Variants in NRXN1 observed in about 807,000 individuals in gnomAD.
The protein encoded by NRXN1 is neurexin 1.
A neutral mutation model predicts 150.9 loss-of-function variants in NRXN1; 39 were observed. The ratio of observed to expected loss-of-function variants is 0.26; its 90% CI spans 0.20 to 0.34. The LOEUF is 0.34. NRXN1 is among the 10% of genes least tolerant of loss of function. The pLI, the probability that NRXN1 is intolerant of heterozygous loss-of-function variation, is 1.00. For missense variants in NRXN1, 1,815 were observed against 1,949.9 expected (o/e 0.93, Z 1.30); for synonymous variants, 924 against 757.0 (o/e 1.22, Z -3.62).
intron 22 of NRXN1, among the ~76,000 whole-genome samples, chr2:49,936,484 T>A (rs185598672): frequency 6.6e-6 from 1 of 152,186 alleles, no homozygotes; most frequent in Non-Finnish European, 1.5e-5. Flanking sequence ...GCATTGTGTA[T>A]GAATCCTCTT....
In NRXN1 at chr2:49,922,250, G is replaced by T. The variant is rs764149991; in HGVS notation, c.4218C>A (p.Ala1406=). Reference sequence around the variant, plus strand: ...CTCTGCCGCCTGCTCGGGTTGGGTTGGCTATAGAAAAGAGGATGAGAACAA... The same window carrying T: ...CTCTGCCGCCTGCTCGGGTTGGGTTTGCTATAGAAAAGAGGATGAGAACAA... ...DPCEPSSGGL[A]NPTRAGGREP... Residue 1406 remains alanine (A), a splice_region_variant and synonymous_variant, in exon 23 of 23, where the codon GCC becomes GCA. Transcript: ENST00000401669. 1 of 1,612,760 alleles carries T rather than the reference G, an allele frequency of 6.2e-7. No individual in the cohort carries two copies.
chr2:50,004,018 A>T (rs980651586), intron 21 of NRXN1, among the ~76,000 whole-genome samples: 13 of 152,148 alleles, frequency 8.5e-5, no homozygotes, highest in African/African-American at 3.1e-4. Flanking sequence ...CTGAGGTAAA[A>T]AAGCCACAGG....
At position 50,430,719 on chromosome 2, in the gene NRXN1, C is replaced by T. The variant is rs187173658; in HGVS notation, c.3364+34723G>A. On this transcript the variant is annotated intron_variant, in intron 17 of 22. Transcript: ENST00000401669. ...AGTTAATGTGTTTCTGGGTTTGTTT[C>T]AGGAATACTGCTGAGAACATTTCAA... Among the ~76,000 whole-genome samples the T allele has an allele frequency of 2.8e-3, 420 of 152,258 alleles. 2 individuals carry two copies. The highest frequency in any genetic ancestry group is 4.8e-3 in the Admixed American group (74 of 15,292).
intron 19 of NRXN1, among the ~76,000 whole-genome samples, chr2:50,066,518 A>T (rs1214408272): frequency 6.6e-6 from 1 of 152,106 alleles, no homozygotes; most frequent in African/African-American, 2.4e-5. Context: ...TGAGCTAAAA[A>T]TTTTTCATAA....
chr2:50,308,768 AGG>A (rs2074894789), intron 17 of NRXN1, among the ~76,000 whole-genome samples: 1 of 152,164 alleles, frequency 6.6e-6, no homozygotes, highest in East Asian at 1.9e-4. Context: ...TTTCATTGAC[AGG>A]CATCATACAT....
chr2:50,463,947 T>A (rs1393929304), intron 17 of NRXN1: 2 of 151,582 alleles, frequency 1.3e-5, no homozygotes, highest in Non-Finnish European at 3.0e-5. Context: ...TATTCAGTCT[T>A]CTGATTGTCC....
At chr2:50,448,302 C>T (rs1388129081) in intron 17 of NRXN1, among the ~76,000 whole-genome samples, 2 of 152,154 alleles carry the variant, frequency 1.3e-5, no homozygotes, top group African/African-American at 4.8e-5. Flanking sequence ...ATTGCTTATG[C>T]TATTCATCTC....
intron 17 of NRXN1, chr2:50,463,843 A>C (rs1269882102): frequency 6.6e-6 from 1 of 151,704 alleles, no homozygotes; most frequent in Non-Finnish European, 1.5e-5. Flanking sequence ...ATATTTTCAC[A>C]CCAAAAAAAT....
rs77874851 is a variant in NRXN1 at position 50,645,416 on chromosome 2, C to T, written c.833-21801G>A. Among the ~76,000 whole-genome samples, 319 of 152,026 alleles carry T rather than the reference C, an allele frequency of 2.1e-3. 8 individuals carry two copies. In the East Asian group the frequency reaches 0.054, roughly 26 times the overall value. Reference sequence around the variant, plus strand: ...TGGAATTAATAGCACCTGCATCTGTCTACCTCTTTAGCAGGCTTTAGTTTT... The same window carrying T: ...TGGAATTAATAGCACCTGCATCTGTTTACCTCTTTAGCAGGCTTTAGTTTT... On this transcript the variant is annotated intron_variant, in intron 5 of 22. Transcript: ENST00000401669.
At chr2:51,030,013 C>T (rs908945237) in intron 1 of NRXN1, among the ~76,000 whole-genome samples, 2 of 152,022 alleles carry the variant, frequency 1.3e-5, no homozygotes, top group African/African-American at 2.4e-5. Context: ...AATTTAAAAC[C>T]GTACCTTTGA....
intron 20 of NRXN1, among the ~76,000 whole-genome samples, chr2:50,054,210 T>C (rs1047322723): frequency 6.6e-6 from 1 of 150,934 alleles, no homozygotes; most frequent in Non-Finnish European, 1.5e-5. Flanking sequence ...ATTTTTCTGA[T>C]TGGCTTTCAG....
intron 2 of NRXN1, among the ~76,000 whole-genome samples, chr2:50,937,150 C>T (rs1439733035): frequency 1.3e-5 from 2 of 151,936 alleles, no homozygotes; most frequent in Admixed American, 6.6e-5. Flanking sequence ...AATGTAAGAC[C>T]CCTTATTCAA....
At chr2:50,138,368 G>T (rs899702329) in intron 18 of NRXN1, among the ~76,000 whole-genome samples, 3 of 152,000 alleles carry the variant, frequency 2.0e-5, no homozygotes, top group Admixed American at 6.6e-5. Context: ...CTTCCTACAA[G>T]AAAATAATGC....
intron 17 of NRXN1, among the ~76,000 whole-genome samples, chr2:50,265,494 G>C (rs565673754): frequency 6.6e-6 from 1 of 152,146 alleles, no homozygotes; most frequent in South Asian, 2.1e-4. Context: ...ATTACATCAT[G>C]ACACTATAAA....
intron 17 of NRXN1, among the ~76,000 whole-genome samples, chr2:50,341,591 G>A (rs1348149681): frequency 6.6e-6 from 1 of 152,190 alleles, no homozygotes; most frequent in Admixed American, 6.5e-5. Context: ...ATATGTTTCT[G>A]AGAAGTATTT....
intron 5 of NRXN1, among the ~76,000 whole-genome samples, chr2:50,767,503 C>G (rs959340045): frequency 2.2e-4 from 34 of 152,070 alleles, no homozygotes; most frequent in African/African-American, 6.7e-4. Context: ...GAACTTGTAT[C>G]AGACAGTGAA....
chr2:51,008,529 G>C (rs1317478346), intron 2 of NRXN1, among the ~76,000 whole-genome samples: 1 of 151,832 alleles, frequency 6.6e-6, no homozygotes, highest in Non-Finnish European at 1.5e-5. Context: ...GTTGATCACT[G>C]CAGGGTATGG....
At chr2:50,089,012 G>A (rs1262179852) in intron 19 of NRXN1, among the ~76,000 whole-genome samples, 1 of 152,052 alleles carries the variant, frequency 6.6e-6, no homozygotes, top group African/African-American at 2.4e-5. Context: ...ATCTATGCTT[G>A]GGTAAAGCAT....
At chr2:50,635,710 A>AT (rs1683141682) in intron 5 of NRXN1, among the ~76,000 whole-genome samples, 1 of 152,150 alleles carries the variant, frequency 6.6e-6, no homozygotes, top group African/African-American at 2.4e-5. Context: ...TGTTTTACAG[A>AT]GCCTATGCCT....
Sources: gnomAD v4.1 joint callset for allele counts (sites outside exome capture counted in the v4.1 genomes callset) on GRCh38, gnomAD v4.1.1 for gene constraint, MANE v1.5 for transcripts, NCBI Gene and HGNC (gene_info 2026-07-23, HGNC 2026-07-21) for gene names.